The following SNTG1 variants were observed in gnomAD, a reference collection of about 807,000 sequenced individuals.
SNTG1 encodes the protein gamma-1-syntrophin.
Under a neutral mutation model 74.7 loss-of-function variants are expected in SNTG1, and 39 were observed. The observed-to-expected ratio is 0.52, with a 90% CI of 0.40 to 0.68. The LOEUF (loss-of-function observed/expected upper bound fraction) is 0.68. Among genes scored for constraint, SNTG1 ranks in the 30% least tolerant of loss-of-function variants. SNTG1 has a pLI of 0.00. For synonymous variants in SNTG1, 254 were observed against 217.1 expected, an observed-to-expected ratio of 1.17 and a Z score of -1.49; for missense variants, 685 against 609.5, an observed-to-expected ratio of 1.12 and a Z score of -1.30.
At chr8:50,426,271 C>A (rs1032043299) in intron 4 of SNTG1, among the ~76,000 whole-genome samples, 7 of 152,078 alleles carry the variant, frequency 4.6e-5, no homozygotes, top group Admixed American at 1.3e-4. Flanking sequence ...TATAAGAATT[C>A]ATTTGTTATT....
intron 1 of SNTG1, chr8:50,011,640 A>G (rs1815809965): frequency 6.6e-6 from 1 of 150,476 alleles, no homozygotes; most frequent in Non-Finnish European, 1.5e-5. Flanking sequence ...AAAAAAAAAG[A>G]TCTTTTGAGC....
chr8:50,793,106 A>G lies in SNTG1; in HGVS notation c.*277A>G, dbSNP rs1458389679. On this transcript the variant is annotated 3_prime_UTR_variant, in exon 19 of 19. Transcript: ENST00000642720. ...ACCAAAAGTGGAGACAAAAGAATAA[A>G]TTATTTGAAGAAGTATGTAAATAAC... is the stretch of plus-strand genomic sequence containing the variant. The G allele has an allele frequency of 3.3e-5, 9 of 273,392 alleles. No homozygotes were observed. Among genetic ancestry groups the G allele is most frequent in the Non-Finnish European group, 6.8e-6 (1 of 147,770 alleles). 16.9% of individuals were successfully genotyped at this position (273,392 alleles called of 1,614,324 possible). A position where few individuals can be genotyped will look rare whatever the true frequency, so the allele number is the denominator to read the frequency against.
At chr8:50,293,011 A>G (rs995581895) in intron 2 of SNTG1, among the ~76,000 whole-genome samples, 4 of 152,106 alleles carry the variant, frequency 2.6e-5, no homozygotes, top group African/African-American at 4.8e-5. Context: ...CTAAAAAGTG[A>G]GAGCTTCATC....
At chr8:50,633,490 A>G (rs1056298156) in intron 13 of SNTG1, among the ~76,000 whole-genome samples, 11 of 152,196 alleles carry the variant, frequency 7.2e-5, no homozygotes, top group African/African-American at 2.7e-4. Flanking sequence ...CTTCCTAAAG[A>G]TGGATAACAA....
chr8:50,591,275 T>G (rs937265595), intron 13 of SNTG1, among the ~76,000 whole-genome samples: 2 of 152,130 alleles, frequency 1.3e-5, no homozygotes, highest in African/African-American at 4.8e-5. Context: ...AATGAATTTT[T>G]CACAATTTGC....
chr8:50,179,033 A>G (rs2083106641), intron 2 of SNTG1, among the ~76,000 whole-genome samples: 1 of 152,190 alleles, frequency 6.6e-6, no homozygotes, highest in African/African-American at 2.4e-5. Flanking sequence ...ATAAGAGTCC[A>G]GTTTCACTCT....
intron 1 of SNTG1, among the ~76,000 whole-genome samples, chr8:50,096,936 C>A (rs771172126): frequency 2.8e-4 from 42 of 152,150 alleles, no homozygotes; most frequent in Non-Finnish European, 4.1e-4. Flanking sequence ...CAGGAAAATA[C>A]AAAACACTGA....
chr8:50,589,449 A>G (rs1261740910), intron 12 of SNTG1, among the ~76,000 whole-genome samples: 1 of 151,150 alleles, frequency 6.6e-6, no homozygotes, highest in African/African-American at 2.5e-5. Flanking sequence ...TGGCTCAATC[A>G]CTACTTTCTA....
intron 4 of SNTG1, among the ~76,000 whole-genome samples, chr8:50,413,218 A>T (rs909626501): frequency 6.6e-6 from 1 of 152,226 alleles, no homozygotes; most frequent in African/African-American, 2.4e-5. Context: ...TCATGTGCCC[A>T]TCAGCAGCTT....
chr8:50,267,129 A>C (rs2087523217), intron 2 of SNTG1, among the ~76,000 whole-genome samples: 1 of 152,140 alleles, frequency 6.6e-6, no homozygotes, highest in South Asian at 2.1e-4. Context: ...TGAAGTTCTA[A>C]ATTTTCTTTC....
At chr8:50,038,981 C>T (rs944942682) in intron 1 of SNTG1, among the ~76,000 whole-genome samples, 2 of 152,154 alleles carry the variant, frequency 1.3e-5, no homozygotes, top group Non-Finnish European at 2.9e-5. Flanking sequence ...CCTGCAGGAG[C>T]CCTTTGGGGA....
intron 2 of SNTG1, among the ~76,000 whole-genome samples, chr8:50,198,196 A>G (rs1248713338): frequency 6.6e-6 from 1 of 152,144 alleles, no homozygotes; most frequent in Non-Finnish European, 1.5e-5. Flanking sequence ...TTAGACTCAG[A>G]AAAAAACAGC....
chr8:50,627,768 A>G (rs1028479652), intron 13 of SNTG1, among the ~76,000 whole-genome samples: 1 of 152,236 alleles, frequency 6.6e-6, no homozygotes, highest in Non-Finnish European at 1.5e-5. Flanking sequence ...GAAGAAATAC[A>G]TGGAGCAAGG....
chr8:50,655,303 A>G (rs1217829100), intron 13 of SNTG1, among the ~76,000 whole-genome samples: 1 of 152,136 alleles, frequency 6.6e-6, no homozygotes, highest in Admixed American at 6.6e-5. Flanking sequence ...TGGGATGGTT[A>G]TCTATTAAGC....
At chr8:50,054,734 C>G (rs1218780334) in intron 1 of SNTG1, among the ~76,000 whole-genome samples, 3 of 152,082 alleles carry the variant, frequency 2.0e-5, no homozygotes, top group Non-Finnish European at 4.4e-5. Flanking sequence ...TGCAGTGGTG[C>G]AATCATGGCT....
chr8:50,075,795 C>G (rs900735241), intron 1 of SNTG1, among the ~76,000 whole-genome samples: 2 of 152,054 alleles, frequency 1.3e-5, no homozygotes, highest in Non-Finnish European at 2.9e-5. Context: ...CCAGACGCGC[C>G]GCCTTAAGAG....
chr8:49,917,083 T>A (rs6991925), intron 1 of SNTG1, among the ~76,000 whole-genome samples: 1 of 151,698 alleles, frequency 6.6e-6, no homozygotes, highest in Admixed American at 6.6e-5. Flanking sequence ...GAAATAAGTA[T>A]GTGAGATTAA....
intron 15 of SNTG1, among the ~76,000 whole-genome samples, chr8:50,693,331 G>A (rs773811765): frequency 1.2e-4 from 19 of 152,166 alleles, no homozygotes; most frequent in Admixed American, 5.2e-4. Flanking sequence ...GAAATCACCC[G>A]TCTTCTGCAT....
Position 50,660,209 on chromosome 8 carries a change from GGAAAAGAAAAGAA to G in SNTG1, c.1038+1558_1038+1570del, listed in dbSNP as rs1803264860. 3.0e-5 allele frequency among the ~76,000 whole-genome samples: 4 copies of G among 135,338 alleles called. No individual in the cohort carries two copies. The South Asian group carries it at 9.2e-4, about 31-fold the overall frequency. 88.8% of individuals were successfully genotyped at this position (135,338 alleles called of 152,430 possible). ...AAAAGAAAGAAAGAAAAGAAAAGAA[GGAAAAGAAAAGAA>G]GAAAAGAAAAGGAAAGAAGGAAGGA... is the stretch of plus-strand genomic sequence containing the variant. On this transcript the variant is annotated intron_variant, in intron 15 of 18. Coordinates refer to ENST00000642720, the MANE Select transcript of SNTG1 (RefSeq NM_018967.5).
Sources: allele counts gnomAD v4.1 joint callset (sites outside exome capture counted in the v4.1 genomes callset), GRCh38; gene constraint gnomAD v4.1.1; transcripts MANE v1.5; gene names NCBI Gene and HGNC (gene_info 2026-07-23, HGNC 2026-07-21).